OLFM3: variants seen among roughly 807,000 people sequenced by gnomAD.
The protein encoded by OLFM3 is noelin-3.
A neutral mutation model predicts 48.6 loss-of-function variants in OLFM3; 20 were observed. That is an observed-to-expected ratio of 0.41 (90% CI 0.29 to 0.60). The LOEUF is 0.60. Ranked by LOEUF, OLFM3 falls within the 20% of genes least tolerant of loss-of-function variation. OLFM3 has a pLI of 0.28. For missense variants in OLFM3, 437 were observed against 544.3 expected, an observed-to-expected ratio of 0.80 and a Z score of 1.96; for synonymous variants, 222 against 198.1, an observed-to-expected ratio of 1.12 and a Z score of -1.01.
At chr1:101,829,164 AAATACTGGCTAAAATT>A (rs1192774494) in intron 3 of OLFM3, among the ~76,000 whole-genome samples, 9 of 152,296 alleles carry the variant, frequency 5.9e-5, no homozygotes, top group Non-Finnish European at 1.3e-4. Context: ...TGTGCTCGAT[AAATACTGGCTAAAATT>A]AATTCTTTTG....
intron 1 of OLFM3, among the ~76,000 whole-genome samples, chr1:101,855,717 C>T (rs1200256019): frequency 6.6e-6 from 1 of 152,086 alleles, no homozygotes. Flanking sequence ...TCACTGCAAT[C>T]TATTTTCAGA....
chr1:101,805,065 A>G, intron 5 of OLFM3, 150 bp from the exon 6 acceptor site: 1 of 629,664 alleles, frequency 1.6e-6, no homozygotes, highest in Non-Finnish European at 2.7e-6. Context: ...AATGTATTTC[A>G]GGCTTTTGTA....
chr1:101,867,648 G>A (rs1656907391), intron 1 of OLFM3, among the ~76,000 whole-genome samples: 1 of 152,180 alleles, frequency 6.6e-6, no homozygotes, highest in Admixed American at 6.5e-5. Context: ...GCCATACCTA[G>A]ATGTGAATTC....
chr1:101,909,423 T>A (rs761559675), intron 1 of OLFM3, among the ~76,000 whole-genome samples: 1 of 152,240 alleles, frequency 6.6e-6, no homozygotes, highest in African/African-American at 2.4e-5. Context: ...GAGTTTTCCA[T>A]GAATATATTC....
chr1:101,894,342 T>C (rs1658114986), intron 1 of OLFM3, among the ~76,000 whole-genome samples: 1 of 152,126 alleles, frequency 6.6e-6, no homozygotes, highest in Admixed American at 6.6e-5. Flanking sequence ...GCTCTATTAG[T>C]GAGATATCAG....
intron 1 of OLFM3, among the ~76,000 whole-genome samples, chr1:101,841,417 G>C (rs896541626): frequency 6.6e-6 from 1 of 152,158 alleles, no homozygotes; most frequent in African/African-American, 2.4e-5. Flanking sequence ...TTTTAGCCCA[G>C]AGCTTTTTAT....
intron 4 of OLFM3, chr1:101,812,946 C>G: frequency 2.0e-6 from 2 of 1,009,410 alleles, no homozygotes; most frequent in Middle Eastern, 3.3e-4. Context: ...ACAATAGTTA[C>G]TATTTAAAGA....
At chr1:101,809,087 G>A (rs1653922601) in intron 4 of OLFM3, among the ~76,000 whole-genome samples, 2 of 151,486 alleles carry the variant, frequency 1.3e-5, no homozygotes, top group East Asian at 1.9e-4. Flanking sequence ...AGGCATCTAG[G>A]ATCAATCTAG....
chr1:101,971,008 C>T (rs1044988093), intron 1 of OLFM3, among the ~76,000 whole-genome samples: 3 of 152,112 alleles, frequency 2.0e-5, no homozygotes, highest in Admixed American at 1.3e-4. Flanking sequence ...CCTCTATATG[C>T]CATATAAAGG....
intron 1 of OLFM3, among the ~76,000 whole-genome samples, chr1:101,876,411 C>G (rs1162315397): frequency 6.6e-6 from 1 of 151,988 alleles, no homozygotes; most frequent in Non-Finnish European, 1.5e-5. Flanking sequence ...CCACTACATA[C>G]CTATACTCTG....
intron 1 of OLFM3, among the ~76,000 whole-genome samples, chr1:101,966,206 C>G (rs1042901245): frequency 2.6e-5 from 4 of 151,876 alleles, no homozygotes; most frequent in Admixed American, 1.3e-4. Context: ...CAGGGTCTTG[C>G]CCTGCTGAAG....
intron 4 of OLFM3, among the ~76,000 whole-genome samples, chr1:101,813,752 GTCTTCCTGCTATTAC>G (rs1654192685): frequency 1.3e-5 from 2 of 152,080 alleles, no homozygotes; most frequent in African/African-American, 4.8e-5. Context: ...TGCAGGCTTT[GTCTTCCTGCTATTAC>G]TCTTTATTTG....
chr1:101,885,133 C>T (rs940417412), intron 1 of OLFM3, among the ~76,000 whole-genome samples: 10 of 151,870 alleles, frequency 6.6e-5, no homozygotes, highest in African/African-American at 1.9e-4. Flanking sequence ...ACAGGATTTA[C>T]AACAGAGCCA....
At chr1:101,922,275 A>C (rs1659121719) in intron 1 of OLFM3, among the ~76,000 whole-genome samples, 2 of 152,214 alleles carry the variant, frequency 1.3e-5, no homozygotes, top group Admixed American at 1.3e-4. Context: ...TAGTTAATAC[A>C]TGTAAAGCGC....
chr1:101,902,737 C>T (rs114554190), intron 1 of OLFM3, among the ~76,000 whole-genome samples: 48 of 152,226 alleles, frequency 3.2e-4, no homozygotes, highest in Non-Finnish European at 5.6e-4. Context: ...TTTCCAGGAA[C>T]TGTGCTTAAC....
intron 1 of OLFM3, among the ~76,000 whole-genome samples, chr1:101,938,655 T>C (rs1162937098): frequency 6.6e-5 from 10 of 152,234 alleles, no homozygotes; most frequent in Admixed American, 3.9e-4. Context: ...TTAAAAGTTA[T>C]TGGGGTTCCT....
intron 1 of OLFM3, among the ~76,000 whole-genome samples, chr1:101,926,218 A>G (rs1251313416): frequency 6.6e-6 from 1 of 152,234 alleles, no homozygotes; most frequent in Non-Finnish European, 1.5e-5. Context: ...CAACCACATT[A>G]AACTATTTTG....
chr1:101,936,788 C>T (rs961935420), intron 1 of OLFM3, among the ~76,000 whole-genome samples: 2 of 151,920 alleles, frequency 1.3e-5, no homozygotes, highest in African/African-American at 4.8e-5. Flanking sequence ...GAATAGAGAC[C>T]CCAGAAATAA....
At position 101,888,409 on chromosome 1, in the gene OLFM3, C is replaced by G. The variant is rs138706364; in HGVS notation, c.70-51384G>C. On this transcript the variant is annotated intron_variant, in intron 1 of 5. Transcript: ENST00000370103. Reference sequence around the variant, plus strand: ...AAACAAGAAGTGGGGAAAGGATTCCCTATTTAATAAATGGTGCTGGGAAAA... The same window carrying G: ...AAACAAGAAGTGGGGAAAGGATTCCGTATTTAATAAATGGTGCTGGGAAAA... 3.5e-3 allele frequency among the ~76,000 whole-genome samples: 535 copies of G among 152,282 alleles called. 2 individuals carry two copies. Among genetic ancestry groups the G allele is most frequent in the African/African-American group, 0.012 (499 of 41,566 alleles).
Sources: allele counts gnomAD v4.1 joint callset (sites outside exome capture counted in the v4.1 genomes callset), GRCh38; gene constraint gnomAD v4.1.1; transcripts MANE v1.5; gene names NCBI Gene and HGNC (gene_info 2026-07-23, HGNC 2026-07-21).